Variants in AIFM3 observed in about 807,000 individuals in gnomAD.
The protein encoded by AIFM3 is apoptosis-inducing factor 3.
AIFM3 carries 71 observed loss-of-function variants against 82.7 expected under a neutral mutation model. The ratio of observed to expected loss-of-function variants is 0.86; its 90% CI spans 0.71 to 1.05. The LOEUF (loss-of-function observed/expected upper bound fraction) is 1.05. AIFM3 is among the 50% of genes least tolerant of loss of function. AIFM3 has a pLI of 0.00. For synonymous variants in AIFM3, 337 were observed against 329.1 expected (o/e 1.02, Z -0.26); for missense variants, 748 against 816.7 (o/e 0.92, Z 1.03).
rs34766252 is a variant in AIFM3, at chr22:20,976,319, C to T, written c.899+13C>T. On this transcript the variant is annotated intron_variant, in intron 10 of 20. Coordinates refer to ENST00000440238, the MANE Select transcript of AIFM3 (RefSeq NM_001386814.1). ...CACCAGGGAGCAGGTGGGAGGGTCT[C>T]CTTTTTACCCATCGGACACTAGGCA... The T allele has an allele frequency of 0.13, 207,875 of 1,613,592 alleles. 14,652 individuals carry two copies. Among genetic ancestry groups the T allele is most frequent in the African/African-American group, 0.15 (11,252 of 75,016 alleles).
In AIFM3 at chr22:20,979,645, A is replaced by C; in HGVS notation, c.1595A>C (p.Asp532Ala). 6.2e-7 allele frequency: 1 copy of C among 1,614,200 alleles called. No homozygotes were observed. The highest frequency in any genetic ancestry group is 8.5e-7 in the Non-Finnish European group (1 of 1,180,038). ...CCCACAGGCTACGGAGAAGGCTTCG[A>C]CGACGTCATCATCCAGGGGGATCTG... Reference protein sequence around the residue: ...LRYAGYGEGFDDVIIQGDLEE... With the variant: ...LRYAGYGEGFADVIIQGDLEE... Residue 532 changes from aspartate to alanine, a missense_variant, in exon 18 of 21, where the codon GAC becomes GCC. This residue lies in a region of AIFM3 where 183 missense variants were observed against 158.2 expected (regional missense o/e 1.16). Transcript: ENST00000440238.
At position 20,977,912 on chromosome 22, in the gene AIFM3, G is replaced by A. The variant is rs752154951; in HGVS notation, c.1384G>A (p.Val462Met). ...GATGATGCAGACCAATGTCCCAGGC[G>A]TGTTTGCAGCTGGCGATGCTGTCAC... ...NKMMQTNVPGVFAAGDAVTFP... is the reference protein window; with the variant it reads ...NKMMQTNVPGMFAAGDAVTFP... The change falls in exon 16 of 21, where the codon GTG (valine) becomes ATG (methionine). Residue 462 changes from valine (V) to methionine (M), a missense_variant. By Grantham distance (21) the Val-to-Met change is conservative (BLOSUM62 1). Transcript: ENST00000440238. The A allele has an allele frequency of 8.1e-6, 13 of 1,614,058 alleles. No individual in the cohort carries two copies. In the Admixed American group the frequency reaches 1.2e-4, roughly 14 times the overall value.
At position 20,980,642 on chromosome 22, in the gene AIFM3, G is replaced by A. The variant is rs1257119205; in HGVS notation, c.1758-105G>A. 5.4e-6 allele frequency: 8 copies of A among 1,491,522 alleles called. No homozygotes were observed. The Admixed American group carries it at 1.3e-4, about 25-fold the overall frequency. The allele number at this position is 1,491,522 out of a possible 1,614,324, so 92.4% of individuals were successfully genotyped here. A position where few individuals can be genotyped will look rare whatever the true frequency, so the allele number is the denominator to read the frequency against. ...AGGCCACTGGGAGGCTATGAGACAG[G>A]GGCAGGCTTCAGGCTGGAAACAATG... On this transcript the variant is annotated intron_variant, in intron 19 of 20. Transcript: ENST00000440238.
At chr22:20,976,086 G>T in intron 9 of AIFM3, 129 bp from the exon 10 acceptor site, 1 of 1,024,468 alleles carries the variant, frequency 9.8e-7, no homozygotes, top group Admixed American at 2.1e-5. Flanking sequence ...AGCCCAGGTG[G>T]CAGGATCTGT....
In AIFM3 at chr22:20,973,823, C is replaced by A; in HGVS notation, c.311C>A (p.Ala104Asp). 2 of 1,580,724 alleles carry A rather than the reference C, an allele frequency of 1.3e-6. No homozygotes were observed. Among genetic ancestry groups the A allele is most frequent in the Non-Finnish European group, 1.7e-6 (2 of 1,163,318 alleles). ...GTGAAGGACAATGGGGAGTTCCACG[C>A]CCTGGGCCATAAGTGTCCGCACTAC... ...LLVKDNGEFH[A>D]LGHKCPHYGA... Residue 104 changes from alanine (A) to aspartate (D), a missense_variant, in exon 4 of 21, where the codon GCC (alanine) becomes GAC (aspartate). Ala to Asp is a moderately radical substitution (Grantham distance 126, BLOSUM62 -2). Transcript: ENST00000440238.
rs561911470 is a variant in AIFM3 at position 20,970,840 on chromosome 22, C to T, written c.32-2467C>T. Among the ~76,000 whole-genome samples the T allele has an allele frequency of 1.7e-3, 260 of 152,334 alleles. 3 individuals are homozygous for T. Among genetic ancestry groups the T allele is most frequent in the African/African-American group, 6.1e-3 (252 of 41,576 alleles). On this transcript the variant is annotated intron_variant, in intron 2 of 20. Transcript: ENST00000440238. Reference sequence around the variant, plus strand: ...CTGGTCTTGAACTCCTGGACTCAAGCGATCCTCCTGCCTTGGCCTCCCAAA... The same window carrying T: ...CTGGTCTTGAACTCCTGGACTCAAGTGATCCTCCTGCCTTGGCCTCCCAAA...
At chr22:20,972,544 T>G (rs1923338286) in intron 2 of AIFM3, among the ~76,000 whole-genome samples, 4 of 152,182 alleles carry the variant, frequency 2.6e-5, no homozygotes, top group Admixed American at 2.6e-4. Context: ...TCACCCAGAT[T>G]CACTGGCTGG....
In AIFM3 at chr22:20,979,276, G is replaced by GTTC; in HGVS notation, c.1484_1485insTCT (p.Val495_Ala496insLeu). The GTTC allele has an allele frequency of 6.4e-7, 1 of 1,555,602 alleles. No individual in the cohort carries two copies. Among genetic ancestry groups the GTTC allele is most frequent in the Non-Finnish European group, 8.7e-7 (1 of 1,149,184 alleles). The stretch of plus-strand genomic sequence containing the variant: ...CACGGCCCTGGGTCCCGCAGGGCGC[G>GTTC]TGGCAGCCCAGAACATGTTGGCGCA... On this transcript the variant is annotated inframe_insertion, in exon 17 of 21. Transcript: ENST00000440238.
Position 20,974,516 on chromosome 22 carries a change from C to A in AIFM3, c.511-9C>A. ...TGGCAGTGACCCTCCACCCTCCTGG[C>A]ACCCACAGGCCCTACAGCTGCAGCG... On this transcript the variant is annotated splice_polypyrimidine_tract_variant and intron_variant, in intron 6 of 20. Coordinates refer to ENST00000440238, the MANE Select transcript of AIFM3 (RefSeq NM_001386814.1). 1 of 1,608,772 alleles carries A rather than the reference C, an allele frequency of 6.2e-7. No individual in the cohort carries two copies. The highest frequency in any genetic ancestry group is 1.1e-5 in the South Asian group (1 of 89,960).
intron 2 of AIFM3, among the ~76,000 whole-genome samples, 162 bp downstream of exon 2, chr22:20,968,137 G>A (rs1206398312): frequency 1.3e-5 from 2 of 152,218 alleles, no homozygotes; most frequent in Non-Finnish European, 2.9e-5. Context: ...GAGGGGGTAG[G>A]GGGCCTGGAG....
chr22:20,976,353 G>C, intron 10 of AIFM3, 47 bp downstream of exon 10: 1 of 1,613,634 alleles, frequency 6.2e-7, no homozygotes, highest in Non-Finnish European at 8.5e-7. Flanking sequence ...CAGGGCACTG[G>C]CCTGGACGGG....
intron 1 of AIFM3, 34 bp from the exon 2 acceptor site, chr22:20,967,771 G>GC: frequency 1.5e-6 from 1 of 645,768 alleles, no homozygotes; most frequent in South Asian, 1.8e-5. Flanking sequence ...CTGCCCACAC[G>GC]CCCCGGTCCT....
intron 1 of AIFM3, among the ~76,000 whole-genome samples, 158 bp downstream of exon 1, chr22:20,967,461 G>A (rs1922962060): frequency 6.6e-6 from 1 of 152,156 alleles, no homozygotes; most frequent in East Asian, 1.9e-4. Flanking sequence ...CGGGAGAATG[G>A]AGGGTCCCAG....
rs1297116642 is a variant in AIFM3 at position 20,979,373 on chromosome 22, AC to A, written c.1576+8del. ...GGCAAGAGCCTGCGCTACGCGGGTA[AC>A]CCCGGGGCCTCGGATGGGGGCGGGG... On this transcript the variant is annotated splice_donor_5th_base_variant and intron_variant, in intron 17 of 20. Coordinates refer to ENST00000440238, the MANE Select transcript of AIFM3 (RefSeq NM_001386814.1). 7.6e-7 allele frequency: 1 copy of A among 1,312,010 alleles called. No individual in the cohort carries two copies. The highest frequency in any genetic ancestry group is 1.7e-5 in the African/African-American group (1 of 58,796). The allele number at this position is 1,312,010 out of a possible 1,614,324, so 81.3% of individuals were successfully genotyped here. A position where few individuals can be genotyped will look rare whatever the true frequency, so the allele number is the denominator to read the frequency against.
At chr22:20,974,411 G>A in intron 6 of AIFM3, 114 bp from the exon 7 acceptor site, 1 of 1,558,980 alleles carries the variant, frequency 6.4e-7, no homozygotes, top group Non-Finnish European at 8.7e-7. Flanking sequence ...TGTCACTGGA[G>A]CAGAGTGAGG....
chr22:20,968,643 G>A (rs902654082), intron 2 of AIFM3, among the ~76,000 whole-genome samples: 3 of 152,148 alleles, frequency 2.0e-5, no homozygotes, highest in South Asian at 2.1e-4. Context: ...TCATGTCTGC[G>A]GAGCTCTCCC....
At position 20,976,486 on chromosome 22, in the gene AIFM3, G is replaced by C. The variant is rs1177807638; in HGVS notation, c.978G>C (p.Val326=). ...GGACGCCAGAGGATGCCAATCGCGTGGTGAGGCTGGCCCGAGGCCGCAACG... is the reference window on the plus strand; with the variant it reads ...GGACGCCAGAGGATGCCAATCGCGTCGTGAGGCTGGCCCGAGGCCGCAACG... ...TIRTPEDANR[V]VRLARGRNVV... is the part of the protein sequence containing the mutation. The change falls in exon 11 of 21, where the codon GTG becomes GTC. Residue 326 remains valine, a synonymous_variant. Transcript: ENST00000440238. 4 of 1,614,010 alleles carry C rather than the reference G, an allele frequency of 2.5e-6. No individual in the cohort carries two copies. The East Asian group carries it at 8.9e-5, about 36-fold the overall frequency.
chr22:20,966,081 C>T (rs903604657), upstream of AIFM3, among the ~76,000 whole-genome samples: 1 of 152,122 alleles, frequency 6.6e-6, no homozygotes, highest in African/African-American at 2.4e-5. Context: ...GGGGCCCCAC[C>T]CAGTCTCCTT....
chr22:20,980,506 G>A (rs748227248), intron 19 of AIFM3: 5 of 611,826 alleles, frequency 8.2e-6, no homozygotes, highest in African/African-American at 5.5e-5. Context: ...CACATAGATG[G>A]TGGGGGTGGT....
Sources: allele counts gnomAD v4.1 joint callset (sites outside exome capture counted in the v4.1 genomes callset), GRCh38; gene constraint gnomAD v4.1.1; regional missense constraint gnomAD v4.1.1; transcripts MANE v1.5; gene names NCBI Gene and HGNC (gene_info 2026-07-23, HGNC 2026-07-21).